The following CLEC18C variants were observed in gnomAD, a reference collection of about 807,000 sequenced individuals.
The protein encoded by CLEC18C is mannose receptor-like 3.
In CLEC18C, 2 loss-of-function variants were observed where a neutral mutation model predicts 27.2. The observed-to-expected ratio is 0.07, with a 90% CI of 0.03 to 0.23. The LOEUF (loss-of-function observed/expected upper bound fraction) is 0.23. CLEC18C is among the 10% of genes least tolerant of loss of function. CLEC18C has a pLI of 1.00. For synonymous variants in CLEC18C, 13 were observed against 112.8 expected (o/e 0.12, Z 5.61); for missense variants, 31 against 269.0 (o/e 0.12, Z 6.19).
At chr16:70,177,501 G>A (rs1204677068) in intron 4 of CLEC18C, 21 bp downstream of exon 4, 2 of 1,537,772 alleles carry the variant, frequency 1.3e-6, no homozygotes, top group Admixed American at 3.7e-5. Context: ...TGCAGGTGAG[G>A]CCAGCGTGCC....
rs1423378830 is a variant in CLEC18C at position 70,175,722 on chromosome 16, TC to T, written c.216+688del. 1.5e-4 allele frequency among the ~76,000 whole-genome samples: 15 copies of T among 97,712 alleles called. 2 individuals are homozygous for T. Among genetic ancestry groups the T allele is most frequent in the African/African-American group, 7.1e-4 (13 of 18,346 alleles). The allele number at this position is 97,712 out of a possible 152,430, so 64.1% of individuals were successfully genotyped here. A position where few individuals can be genotyped will look rare whatever the true frequency, so the allele number is the denominator to read the frequency against. ...GGCAGGGTGGTGGGGGCGGGAGGGT[TC>T]CCCATGGCTGCTTCCCATGAACTCC... On this transcript the variant is annotated intron_variant, in intron 3 of 12. Transcript: ENST00000541793.
At chr16:70,186,298 A>G (rs1205125630) in intron 12 of CLEC18C, among the ~76,000 whole-genome samples, 185 bp from the exon 13 acceptor site, 6 of 148,216 alleles carry the variant, frequency 4.0e-5, no homozygotes, top group African/African-American at 1.0e-4. Flanking sequence ...CGGGAGCCCC[A>G]TGAACTGTGG....
rs1368033434 is a variant in CLEC18C, at chr16:70,179,323, G to A, written c.456+1843G>A. 9.8e-3 allele frequency among the ~76,000 whole-genome samples: 1,274 copies of A among 130,144 alleles called. 39 individuals carry two copies. Among genetic ancestry groups the A allele is most frequent in the Non-Finnish European group, 0.017 (991 of 59,726 alleles). 85.4% of individuals were successfully genotyped at this position (130,144 alleles called of 152,430 possible). A position where few individuals can be genotyped will look rare whatever the true frequency, so the allele number is the denominator to read the frequency against. On this transcript the variant is annotated intron_variant, in intron 4 of 12. Transcript: ENST00000541793. ...CGCGCAGGCTACTGTGCAGTGGCGC[G>A]ATCTCGGCTCACTGCAAGCTCCGCC...
chr16:70,175,617 A>G (rs1224588958), intron 3 of CLEC18C, among the ~76,000 whole-genome samples: 16 of 117,526 alleles, frequency 1.4e-4, no homozygotes, highest in East Asian at 1.3e-3. Flanking sequence ...TGGGACTGTC[A>G]TCTGGAGGCT....
At chr16:70,179,396 A>G in intron 4 of CLEC18C, among the ~76,000 whole-genome samples, 1 of 88,690 alleles carries the variant, frequency 1.1e-5, no homozygotes, top group African/African-American at 6.8e-5. Flanking sequence ...AGTAGCTGGG[A>G]CTGCAGGCAC....
chr16:70,185,894 C>T lies in CLEC18C; in HGVS notation c.1221C>T (p.Asn407=), dbSNP rs778339237. ...ACACCATGGCCTGCAGGTTTGGCAA[C>T]TGCGTGGAGCTGCAGGCTTCAGCTG... is the stretch of plus-strand genomic sequence containing the variant. ...FGQPDNHGFG[N]CVELQASAAF... The change falls in exon 12 of 13, where the codon AAC becomes AAT. Residue 407 remains asparagine, a synonymous_variant. Transcript: ENST00000541793. The T allele has an allele frequency of 1.3e-6, 2 of 1,586,100 alleles. No homozygotes were observed. The highest frequency in any genetic ancestry group is 1.7e-6 in the Non-Finnish European group (2 of 1,176,946).
chr16:70,179,237 C>T (rs1264638143), intron 4 of CLEC18C, among the ~76,000 whole-genome samples: 2 of 135,448 alleles, frequency 1.5e-5, no homozygotes, highest in Admixed American at 1.4e-4. Context: ...GTTCCCACTT[C>T]CCGAAGATCT....
intron 12 of CLEC18C, 76 bp from the exon 13 acceptor site, chr16:70,186,406 GA>G: frequency 1.3e-6 from 1 of 786,204 alleles, no homozygotes; most frequent in Non-Finnish European, 2.1e-6. Context: ...GGCACTTCCA[GA>G]CCGAGTGCAA....
chr16:70,177,695 C>T lies in CLEC18C; in HGVS notation c.456+215C>T, dbSNP rs1347429037. Among the ~76,000 whole-genome samples, 2 of 120,068 alleles carry T rather than the reference C, an allele frequency of 1.7e-5. 1 individual carries two copies. The highest frequency in any genetic ancestry group is 1.7e-4 in the Admixed American group (2 of 11,978). 78.8% of individuals were successfully genotyped at this position (120,068 alleles called of 152,430 possible). On this transcript the variant is annotated intron_variant, in intron 4 of 12. Transcript: ENST00000541793. Reference sequence around the variant, plus strand: ...CTCGGCTCACTGCAACCTCCGCCTCCTGGACTCAAGTGATTCTTGTACTTC... The same window carrying T: ...CTCGGCTCACTGCAACCTCCGCCTCTTGGACTCAAGTGATTCTTGTACTTC...
At chr16:70,179,249 C>T (rs1968382783) in intron 4 of CLEC18C, among the ~76,000 whole-genome samples, 1 of 136,328 alleles carries the variant, frequency 7.3e-6, no homozygotes, top group Admixed American at 7.1e-5. Flanking sequence ...CGAAGATCTT[C>T]TGGCTCCTTA....
chr16:70,186,008 A>T, intron 12 of CLEC18C, 32 bp downstream of exon 12: 2 of 1,435,348 alleles, frequency 1.4e-6, no homozygotes, highest in Non-Finnish European at 1.9e-6. Context: ...CCCTTCTCTG[A>T]TCTCTGACCC....
At chr16:70,186,017 C>T (rs759604233) in intron 12 of CLEC18C, 41 bp downstream of exon 12, 3 of 1,432,972 alleles carry the variant, frequency 2.1e-6, no homozygotes, top group Non-Finnish European at 2.9e-6. Context: ...GATCTCTGAC[C>T]CTGGGGGTGC....
At position 70,179,424 on chromosome 16, in the gene CLEC18C, TA is replaced by T. The variant is rs544426085; in HGVS notation, c.456+1945del. ...GCAGGCACACGCCACCACACCCGGT[TA>T]TTTTTTTGTATTTTGTTTAGTAGAG... is the stretch of plus-strand genomic sequence containing the variant. On this transcript the variant is annotated intron_variant, in intron 4 of 12. Coordinates refer to ENST00000541793, the MANE Select transcript of CLEC18C (RefSeq NM_173619.4). Among the ~76,000 whole-genome samples the T allele has an allele frequency of 6.2e-3, 511 of 81,784 alleles. 36 individuals are homozygous for T. The highest frequency in any genetic ancestry group is 0.039 in the African/African-American group (484 of 12,398). 53.7% of individuals were successfully genotyped at this position (81,784 alleles called of 152,430 possible). A position where few individuals can be genotyped will look rare whatever the true frequency, so the allele number is the denominator to read the frequency against.
At chr16:70,175,576 T>G (rs1968258551) in intron 3 of CLEC18C, among the ~76,000 whole-genome samples, 1 of 127,438 alleles carries the variant, frequency 7.8e-6, no homozygotes, top group Non-Finnish European at 1.5e-5. Context: ...GGGTATAGAG[T>G]TCCCCACCAG....
chr16:70,179,710 G>A (rs1237935502), intron 4 of CLEC18C, among the ~76,000 whole-genome samples: 11 of 145,904 alleles, frequency 7.5e-5, no homozygotes, highest in African/African-American at 2.3e-4. Flanking sequence ...GCAGTGGTGC[G>A]ATCACAGCTC....
chr16:70,179,414 C>T (rs1968390560), intron 4 of CLEC18C, among the ~76,000 whole-genome samples: 1 of 80,380 alleles, frequency 1.2e-5, no homozygotes, highest in Non-Finnish European at 2.3e-5. Flanking sequence ...CACACGCCAC[C>T]ACACCCGGTT....
Position 70,178,493 on chromosome 16 carries a change from A to G in CLEC18C, c.456+1013A>G, listed in dbSNP as rs565276693. Among the ~76,000 whole-genome samples, 9 of 141,364 alleles carry G rather than the reference A, an allele frequency of 6.4e-5. No homozygotes were observed. In the South Asian group the frequency reaches 1.8e-3, roughly 28 times the overall value. 92.7% of individuals were successfully genotyped at this position (141,364 alleles called of 152,430 possible). ...GCTGGGTCTCAAACTCCTGACCTCA[A>G]GTGATCCACCTGCGTGGGCCTCCCA... On this transcript the variant is annotated intron_variant, in intron 4 of 12. Coordinates refer to ENST00000541793, the MANE Select transcript of CLEC18C (RefSeq NM_173619.4).
intron 2 of CLEC18C, chr16:70,174,662 GC>G (rs1224124538): frequency 7.8e-4 from 491 of 626,592 alleles, no homozygotes; most frequent in Non-Finnish European, 1.2e-3. Context: ...GAAATCCGTG[GC>G]CCGGAGGAGC....
In CLEC18C at chr16:70,179,194, G is replaced by A. The variant is rs1349675597; in HGVS notation, c.456+1714G>A. Among the ~76,000 whole-genome samples the A allele has an allele frequency of 6.4e-5, 8 of 124,428 alleles. No homozygotes were observed. In the East Asian group the frequency reaches 6.6e-4, roughly 10 times the overall value. 81.6% of individuals were successfully genotyped at this position (124,428 alleles called of 152,430 possible). A position where few individuals can be genotyped will look rare whatever the true frequency, so the allele number is the denominator to read the frequency against. On this transcript the variant is annotated intron_variant, in intron 4 of 12. Transcript: ENST00000541793. ...GCCCCTACAACTAGGTGCTGCCAAA[G>A]TGCTTACGCCAACTGTGCAGACCAG...
Sources: gnomAD v4.1 joint callset for allele counts (sites outside exome capture counted in the v4.1 genomes callset) on GRCh38, gnomAD v4.1.1 for gene constraint, MANE v1.5 for transcripts, NCBI Gene and HGNC (gene_info 2026-07-23, HGNC 2026-07-21) for gene names.